Variants in PLEKHG5 observed in about 807,000 individuals in gnomAD.
PLEKHG5 encodes the protein pleckstrin homology domain-containing family G member 5.
In PLEKHG5, 52 loss-of-function variants were observed where a neutral mutation model predicts 103.8. That is an observed-to-expected ratio of 0.50 (90% CI 0.40 to 0.63). PLEKHG5 has a LOEUF of 0.63. PLEKHG5 is among the 30% of genes least tolerant of loss of function. PLEKHG5 has a pLI of 0.00. For synonymous variants in PLEKHG5, 592 were observed against 575.5 expected (o/e 1.03, Z -0.41); for missense variants, 1,205 against 1,347.6 (o/e 0.89, Z 1.66).
intron 1 of PLEKHG5, among the ~76,000 whole-genome samples, chr1:6,511,130 G>C (rs1308421921): frequency 6.6e-6 from 1 of 152,150 alleles, no homozygotes; most frequent in African/African-American, 2.4e-5. Flanking sequence ...CAGATGCGTG[G>C]GTCCAGTGCC....
intron 2 of PLEKHG5, 24 bp downstream of exon 2, chr1:6,477,505 G>A: frequency 6.2e-7 from 1 of 1,607,804 alleles, no homozygotes. Flanking sequence ...TGGGGGCCGA[G>A]CTGCGGCTCC....
chr1:6,519,580 A>G (rs1638719117), exon 1 of PLEKHG5: 9 of 1,149,398 alleles, frequency 7.8e-6, no homozygotes, highest in Non-Finnish European at 1.2e-5. Context: ...AGGCCTCTCT[A>G]ATCAGACACA....
upstream of PLEKHG5, chr1:6,496,424 G>T: frequency 8.3e-7 from 1 of 1,208,908 alleles, no homozygotes; most frequent in Non-Finnish European, 1.2e-6. Flanking sequence ...CTGGTGCTGG[G>T]ATAGAAAGGG....
chr1:6,507,658 C>G (rs560641536), intron 1 of PLEKHG5, among the ~76,000 whole-genome samples: 190 of 152,312 alleles, frequency 1.2e-3, no homozygotes, highest in Non-Finnish European at 2.4e-3. Flanking sequence ...AGGGCTGTGG[C>G]AGGGGGTGCT....
chr1:6,474,076 C>A lies in PLEKHG5; in HGVS notation c.528G>T (p.Gly176=). 1 of 1,612,272 alleles carries A rather than the reference C, an allele frequency of 6.2e-7. No individual in the cohort carries two copies. The highest frequency in any genetic ancestry group is 8.5e-7 in the Non-Finnish European group (1 of 1,179,498). The part of the protein sequence containing the change: ...SLSLPILRPA[G]TGPPALERVD... ...CACGCTCCAGGGCGGGGGGCCCGGT[C>A]CCAGCTGGCCGCAGAATCGGCAAAC... Residue 176 remains glycine, a synonymous_variant, in exon 7 of 21, where the codon GGG becomes GGT. Transcript: ENST00000377728.
chr1:6,518,633 C>T (rs544751076), intron 1 of PLEKHG5, among the ~76,000 whole-genome samples: 9 of 152,060 alleles, frequency 5.9e-5, no homozygotes, highest in South Asian at 2.1e-4. Context: ...TGGCCCTTCC[C>T]GAGAGCTACA....
intron 1 of PLEKHG5, among the ~76,000 whole-genome samples, chr1:6,503,884 T>C (rs1246240643): frequency 6.6e-6 from 1 of 152,148 alleles, no homozygotes; most frequent in African/African-American, 2.4e-5. Context: ...TTCCTGCATC[T>C]GAGCCGTGAG....
chr1:6,469,874 T>C (rs1335692252), intron 16 of PLEKHG5, among the ~76,000 whole-genome samples, 198 bp from the exon 17 acceptor site: 1 of 152,208 alleles, frequency 6.6e-6, no homozygotes, highest in Non-Finnish European at 1.5e-5. Context: ...AATACAAGTT[T>C]ACATTAAAAA....
At chr1:6,502,544 G>A (rs1182694468) in intron 1 of PLEKHG5, among the ~76,000 whole-genome samples, 1 of 152,246 alleles carries the variant, frequency 6.6e-6, no homozygotes, top group African/African-American at 2.4e-5. Context: ...CAGGCCTGGG[G>A]CCAGCCGGCC....
chr1:6,494,505 C>T (rs1280102840), upstream of PLEKHG5, among the ~76,000 whole-genome samples: 3 of 151,876 alleles, frequency 2.0e-5, no homozygotes, highest in Non-Finnish European at 4.4e-5. Context: ...CTAAAGCAGT[C>T]CTCCTGCCTC....
intron 19 of PLEKHG5, 22 bp from the exon 20 acceptor site, chr1:6,468,608 C>G: frequency 6.2e-7 from 1 of 1,612,714 alleles, no homozygotes; most frequent in Non-Finnish European, 8.5e-7. Flanking sequence ...GGAGCAGAGT[C>G]AGCCCAGGCC....
rs544601937 is a variant in PLEKHG5 at position 6,469,196 on chromosome 1, G to A, written c.2095C>T (p.Gln699Ter). ...TCCTCTTCCAGGCTCTGCAGGGGCT[G>A]CTGACTGCCTGGGGGCTCCTGTGCA... ...LRAQEPPGSQ[Q>*]PLQSLEEEED... Residue 699 changes from glutamine to a stop codon, truncating the protein, a stop_gained, in exon 19 of 21, where the codon CAG becomes TAG. Coordinates refer to ENST00000377728, the MANE Select transcript of PLEKHG5 (RefSeq NM_020631.6). LOFTEE classifies it high-confidence loss of function. 3 of 1,613,284 alleles carry A rather than the reference G, an allele frequency of 1.9e-6. No individual in the cohort carries two copies. The African/African-American group carries it at 4.0e-5, about 21-fold the overall frequency.
Position 6,471,603 on chromosome 1 carries a change from T to C in PLEKHG5, c.1166A>G (p.Glu389Gly). 1 of 1,595,414 alleles carries C rather than the reference T, an allele frequency of 6.3e-7. No homozygotes were observed. The highest frequency in any genetic ancestry group is 8.5e-7 in the Non-Finnish European group (1 of 1,171,990). ...EAERLFSNIP[E>G]IAQLHRRLWA... The stretch of plus-strand genomic sequence containing the variant: ...CAGCCTGCGGTGCAGCTGCGCGATC[T>C]CCGGGATGTTGCTGAACAGGCGCTC... The change falls in exon 12 of 21, where the codon GAG (glutamate) becomes GGG (glycine). Residue 389 changes from glutamate (E) to glycine (G), a missense_variant. Transcript: ENST00000377728.
intron 1 of PLEKHG5, among the ~76,000 whole-genome samples, chr1:6,482,605 G>A (rs182188335): frequency 2.6e-5 from 4 of 152,366 alleles, no homozygotes; most frequent in Admixed American, 2.0e-4. Flanking sequence ...GTAAAACTCA[G>A]AGAGGTGAAA....
At chr1:6,511,201 C>T (rs1285436884) in intron 1 of PLEKHG5, among the ~76,000 whole-genome samples, 1 of 152,226 alleles carries the variant, frequency 6.6e-6, no homozygotes, top group East Asian at 1.9e-4. Flanking sequence ...GCCACAACCA[C>T]CTGGCCCCTG....
intron 2 of PLEKHG5, among the ~76,000 whole-genome samples, chr1:6,476,726 G>C: frequency 6.6e-6 from 1 of 152,168 alleles, no homozygotes; most frequent in Non-Finnish European, 1.5e-5. Context: ...GAATTCCCAA[G>C]GGGCCCTGGC....
chr1:6,471,843 G>A, intron 10 of PLEKHG5, 35 bp from the exon 11 acceptor site: 1 of 1,579,000 alleles, frequency 6.3e-7, no homozygotes, highest in Non-Finnish European at 8.6e-7. Flanking sequence ...CTGGGGTCGG[G>A]AGGCTGTCTC....
chr1:6,480,326 C>T (rs541055254), intron 1 of PLEKHG5, among the ~76,000 whole-genome samples: 7 of 151,900 alleles, frequency 4.6e-5, no homozygotes, highest in Admixed American at 2.0e-4. Context: ...CTCAGGAGTT[C>T]GATAGCAGCC....
intron 1 of PLEKHG5, chr1:6,485,363 G>A: frequency 7.0e-7 from 1 of 1,422,958 alleles, no homozygotes; most frequent in Non-Finnish European, 9.1e-7. Flanking sequence ...CGGCCCAGGA[G>A]GGCTCCGAGT....
Sources: allele counts gnomAD v4.1 joint callset (sites outside exome capture counted in the v4.1 genomes callset), GRCh38; gene constraint gnomAD v4.1.1; transcripts MANE v1.5; gene names NCBI Gene and HGNC (gene_info 2026-07-23, HGNC 2026-07-21).